ZNF385D: variants seen among roughly 807,000 people sequenced by gnomAD.
ZNF385D encodes zinc finger protein 385D, also known as zinc finger protein 659.
ZNF385D carries 15 observed loss-of-function variants against 35.8 expected under a neutral mutation model. That is an observed-to-expected ratio of 0.42 (90% CI 0.28 to 0.64). The LOEUF is 0.64. ZNF385D is among the 30% of genes least tolerant of loss of function. The probability of loss-of-function intolerance (pLI) is 0.23; values close to 1 mark genes in which losing one functional copy is unlikely to be tolerated. For synonymous variants in ZNF385D, 212 were observed against 186.8 expected (o/e 1.13, Z -1.10); for missense variants, 474 against 494.6 (o/e 0.96, Z 0.39).
chr3:22,016,354 G>A (rs79871181), intron 3 of ZNF385D, among the ~76,000 whole-genome samples: 27 of 152,210 alleles, frequency 1.8e-4, no homozygotes, highest in African/African-American at 6.0e-4. Context: ...TAGTGCTGAG[G>A]CTGCGAAACC....
chr3:21,589,885 C>T (rs1295049075), intron 2 of ZNF385D, among the ~76,000 whole-genome samples: 4 of 152,196 alleles, frequency 2.6e-5, no homozygotes, highest in South Asian at 2.1e-4. Context: ...AACTCTTATA[C>T]ATCTAGGTGG....
intron 3 of ZNF385D, among the ~76,000 whole-genome samples, chr3:21,853,442 C>T (rs916111418): frequency 2.0e-5 from 3 of 150,246 alleles, no homozygotes; most frequent in African/African-American, 7.3e-5. Flanking sequence ...AAGGTCATTA[C>T]AATTAGTAAC....
At chr3:22,234,511 T>G (rs1233280252) in intron 2 of ZNF385D, among the ~76,000 whole-genome samples, 1 of 152,184 alleles carries the variant, frequency 6.6e-6, no homozygotes, top group South Asian at 2.1e-4. Flanking sequence ...TGAACTTGTT[T>G]CATTCTTCTC....
At chr3:21,811,194 T>C (rs1170658409) in intron 3 of ZNF385D, among the ~76,000 whole-genome samples, 2 of 152,152 alleles carry the variant, frequency 1.3e-5, no homozygotes, top group African/African-American at 4.8e-5. Context: ...ATGAATCCTA[T>C]TTCTTAGCTT....
At chr3:22,123,956 CTCTCTCTATATATATATA>C (rs1164984763) in intron 3 of ZNF385D, among the ~76,000 whole-genome samples, 21 of 86,646 alleles carry the variant, frequency 2.4e-4, no homozygotes, top group African/African-American at 7.4e-4. Flanking sequence ...CTCTCTCTCT[CTCTCTCTATATATATATA>C]TATATATATA....
At chr3:22,161,153 T>C (rs1705923456) in intron 3 of ZNF385D, among the ~76,000 whole-genome samples, 1 of 152,092 alleles carries the variant, frequency 6.6e-6, no homozygotes, top group Non-Finnish European at 1.5e-5. Context: ...AAAATCTTAA[T>C]GCTTACCTAG....
chr3:21,951,234 T>C (rs2125298520), intron 3 of ZNF385D, among the ~76,000 whole-genome samples: 1 of 151,846 alleles, frequency 6.6e-6, no homozygotes, highest in South Asian at 2.1e-4. Context: ...AGCAGTGGTT[T>C]GTAGTTCTCC....
At chr3:22,250,226 GATAT>G (rs1164344029) in intron 2 of ZNF385D, among the ~76,000 whole-genome samples, 1 of 151,944 alleles carries the variant, frequency 6.6e-6, no homozygotes, top group Non-Finnish European at 1.5e-5. Flanking sequence ...TTTCTTTATA[GATAT>G]ATTTCCAGTA....
At chr3:21,554,411 G>A (rs773878840) in intron 3 of ZNF385D, among the ~76,000 whole-genome samples, 1 of 152,112 alleles carries the variant, frequency 6.6e-6, no homozygotes, top group Non-Finnish European at 1.5e-5. Flanking sequence ...GATGTAAACA[G>A]ATGTACTATC....
At chr3:22,172,436 C>T (rs1256104862) in intron 2 of ZNF385D, among the ~76,000 whole-genome samples, 1 of 152,082 alleles carries the variant, frequency 6.6e-6, no homozygotes, top group Non-Finnish European at 1.5e-5. Flanking sequence ...AAAGTAGAAA[C>T]AATATTTTTC....
intron 3 of ZNF385D, among the ~76,000 whole-genome samples, chr3:22,023,705 T>A (rs1435177097): frequency 1.3e-5 from 2 of 152,086 alleles, no homozygotes; most frequent in Non-Finnish European, 2.9e-5. Flanking sequence ...TCAATAGAAA[T>A]TATTTTATTC....
chr3:22,160,012 T>A (rs558424167), intron 3 of ZNF385D, among the ~76,000 whole-genome samples: 1 of 152,146 alleles, frequency 6.6e-6, no homozygotes. Flanking sequence ...GTGGGGGTAA[T>A]TGAATCATGG....
intron 1 of ZNF385D, among the ~76,000 whole-genome samples, chr3:21,724,915 T>C (rs1056113781): frequency 1.1e-4 from 17 of 152,226 alleles, no homozygotes; most frequent in Admixed American, 4.6e-4. Context: ...TATTCTAAAA[T>C]TGACCACATA....
intron 3 of ZNF385D, among the ~76,000 whole-genome samples, chr3:21,845,820 G>C (rs181667561): frequency 1.6e-4 from 24 of 152,074 alleles, no homozygotes; most frequent in Non-Finnish European, 3.5e-4. Context: ...AGGCTTGACT[G>C]CAATTTCTAC....
intron 2 of ZNF385D, among the ~76,000 whole-genome samples, chr3:22,297,946 C>A (rs534616066): frequency 6.6e-5 from 10 of 151,808 alleles, no homozygotes; most frequent in Non-Finnish European, 1.5e-4. Flanking sequence ...AAATATGTTT[C>A]TATAGTTTTG....
At chr3:21,685,897 G>C (rs2067087478) in intron 1 of ZNF385D, among the ~76,000 whole-genome samples, 1 of 152,134 alleles carries the variant, frequency 6.6e-6, no homozygotes, top group Non-Finnish European at 1.5e-5. Context: ...AATTCTCCCA[G>C]GCAATAATTC....
At chr3:21,677,181 T>A (rs1158173771) in intron 1 of ZNF385D, among the ~76,000 whole-genome samples, 3 of 152,028 alleles carry the variant, frequency 2.0e-5, no homozygotes, top group Non-Finnish European at 4.4e-5. Context: ...GGGGGCCATG[T>A]CAGTGGAGAT....
At chr3:21,503,612 G>C (rs1389279787) in intron 4 of ZNF385D, among the ~76,000 whole-genome samples, 3 of 152,142 alleles carry the variant, frequency 2.0e-5, no homozygotes, top group Non-Finnish European at 4.4e-5. Flanking sequence ...CACTGGGCCT[G>C]AGGTAAACAG....
At chr3:22,137,756 G>A (rs1704243232) in intron 3 of ZNF385D, among the ~76,000 whole-genome samples, 1 of 152,030 alleles carries the variant, frequency 6.6e-6, no homozygotes, top group African/African-American at 2.4e-5. Context: ...TTGAAAACTG[G>A]CACAAGACAG....
Sources: gnomAD v4.1 joint callset for allele counts (sites outside exome capture counted in the v4.1 genomes callset) on GRCh38, gnomAD v4.1.1 for gene constraint, MANE v1.5 for transcripts, NCBI Gene and HGNC (gene_info 2026-07-23, HGNC 2026-07-21) for gene names.